The following PDE3B variants were observed in gnomAD, a reference collection of about 807,000 sequenced individuals.
PDE3B encodes phosphodiesterase 3B.
A neutral mutation model predicts 116.8 loss-of-function variants in PDE3B; 66 were observed. The observed-to-expected ratio is 0.56, with a 90% CI of 0.46 to 0.69. The LOEUF is 0.69. Among genes scored for constraint, PDE3B ranks in the 30% least tolerant of loss-of-function variants. PDE3B has a pLI of 0.00. For synonymous variants in PDE3B, 595 were observed against 533.6 expected (o/e 1.12, Z -1.59); for missense variants, 1,384 against 1,368.1 (o/e 1.01, Z -0.18).
chr11:14,878,340 TC>T, the PDE3B span: 2 of 1,581,984 alleles, frequency 1.3e-6, no homozygotes, highest in Non-Finnish European at 8.7e-7. Context: ...AAACCCACAA[TC>T]TTTACCAAAA....
chr11:14,665,936 A>G (rs966433594), intron 1 of PDE3B, among the ~76,000 whole-genome samples: 7 of 152,218 alleles, frequency 4.6e-5, no homozygotes, highest in Admixed American at 1.3e-4. Flanking sequence ...AAGCTACTTT[A>G]AAGTTCATAT....
At chr11:14,687,759 C>T (rs1484243395) in intron 1 of PDE3B, among the ~76,000 whole-genome samples, 2 of 152,116 alleles carry the variant, frequency 1.3e-5, no homozygotes, top group Admixed American at 6.5e-5. Context: ...CCTTTTCTCT[C>T]ACAGATCATA....
At chr11:14,648,415 A>G (rs937576067) in intron 1 of PDE3B, among the ~76,000 whole-genome samples, 2 of 152,060 alleles carry the variant, frequency 1.3e-5, no homozygotes, top group African/African-American at 4.8e-5. Flanking sequence ...AAGTGTGGTT[A>G]TTTACTCACC....
At chr11:14,650,991 C>T (rs951302231) in intron 1 of PDE3B, among the ~76,000 whole-genome samples, 12 of 151,802 alleles carry the variant, frequency 7.9e-5, no homozygotes, top group African/African-American at 9.7e-5. Context: ...TAATTTGTTA[C>T]AGGAGCATAC....
At chr11:14,816,591 C>T (rs995940904) in intron 5 of PDE3B, among the ~76,000 whole-genome samples, 3 of 152,162 alleles carry the variant, frequency 2.0e-5, no homozygotes, top group Non-Finnish European at 4.4e-5. Context: ...GCACTTAGCA[C>T]TTGTTTGTAT....
At chr11:14,760,811 T>C (rs543992565) in intron 1 of PDE3B, among the ~76,000 whole-genome samples, 73 of 152,312 alleles carry the variant, frequency 4.8e-4, no homozygotes, top group African/African-American at 1.7e-3. Flanking sequence ...GTTGTACATA[T>C]TTCTGTGGTA....
At chr11:14,891,971 G>A in the PDE3B span, 358 of 1,612,222 alleles carry the variant, frequency 2.2e-4, 1 homozygote, top group African/African-American at 4.3e-3. Flanking sequence ...GGGGCCCGTC[G>A]GGGCTGTACC....
intron 7 of PDE3B, among the ~76,000 whole-genome samples, chr11:14,821,037 G>A (rs1161820759): frequency 1.3e-5 from 2 of 152,142 alleles, no homozygotes; most frequent in Non-Finnish European, 2.9e-5. Context: ...GCCTCAACTG[G>A]GAGATTCTCA....
At chr11:14,665,436 G>A (rs1854104503) in intron 1 of PDE3B, among the ~76,000 whole-genome samples, 1 of 152,132 alleles carries the variant, frequency 6.6e-6, no homozygotes, top group African/African-American at 2.4e-5. Context: ...GGCAGGAGAA[G>A]GAAATAAAGG....
At chr11:14,883,329 A>T in the PDE3B span, among the ~76,000 whole-genome samples, 1 of 152,154 alleles carries the variant, frequency 6.6e-6, no homozygotes, top group East Asian at 1.9e-4. Flanking sequence ...CTGGTACCAA[A>T]ACAGAGATAT....
intron 12 of PDE3B, among the ~76,000 whole-genome samples, chr11:14,848,996 C>T (rs1391263335): frequency 6.6e-6 from 1 of 152,098 alleles, no homozygotes; most frequent in Non-Finnish European, 1.5e-5. Flanking sequence ...CTTTAAAGTT[C>T]ATATGGAACC....
intron 1 of PDE3B, among the ~76,000 whole-genome samples, chr11:14,679,580 C>T (rs757563341): frequency 9.2e-5 from 14 of 151,822 alleles, no homozygotes; most frequent in African/African-American, 1.9e-4. Context: ...CTTCTTCACT[C>T]GGGACCCTTG....
chr11:14,896,762 A>G, the PDE3B span, among the ~76,000 whole-genome samples: 20,069 of 152,218 alleles, frequency 0.13, 1,598 homozygotes, highest in Admixed American at 0.24. Flanking sequence ...AAAATCCTCT[A>G]TTTAAAATTC....
rs1335617355 is a variant in PDE3B, at chr11:14,669,953, A to G, written c.978+24900A>G. ...AGACAAATGTTAATCTTTATATTGC[A>G]TATCCTCTTATTTATTACTAAGTCT... On this transcript the variant is annotated intron_variant, in intron 1 of 15. Coordinates refer to ENST00000282096, the MANE Select transcript of PDE3B (RefSeq NM_000922.4). Among the ~76,000 whole-genome samples, 5 of 152,218 alleles carry G rather than the reference A, an allele frequency of 3.3e-5. No homozygotes were observed. The East Asian group carries it at 5.8e-4, about 18-fold the overall frequency.
intron 1 of PDE3B, among the ~76,000 whole-genome samples, chr11:14,757,136 C>A (rs1481031998): frequency 1.3e-5 from 2 of 152,046 alleles, no homozygotes; most frequent in African/African-American, 2.4e-5. Flanking sequence ...ACGAACTCAT[C>A]ATTTTTTATG....
chr11:14,778,497 T>G (rs1398567727), intron 2 of PDE3B, among the ~76,000 whole-genome samples: 1 of 152,208 alleles, frequency 6.6e-6, no homozygotes, highest in African/African-American at 2.4e-5. Context: ...CAGCAACATT[T>G]GCCTTTCTGC....
At chr11:14,866,691 A>T (rs1180427639) in intron 14 of PDE3B, among the ~76,000 whole-genome samples, 5 of 152,194 alleles carry the variant, frequency 3.3e-5, no homozygotes. Flanking sequence ...CAGAATTTGT[A>T]CATTGTGGGG....
rs952794843 is a variant in PDE3B at position 14,786,625 on chromosome 11, A to G, written c.1218A>G (p.Gly406=). 6.2e-7 allele frequency: 1 copy of G among 1,612,824 alleles called. No homozygotes were observed. Among genetic ancestry groups the G allele is most frequent in the Admixed American group, 1.7e-5 (1 of 59,948 alleles). Residue 406 remains glycine (G), a synonymous_variant, in exon 3 of 16, where the codon GGA becomes GGG. Transcript: ENST00000282096. ...TTAATCCTCTCACACCATTTCCTGG[A>G]TTTTACCCCTGTTCTGAAATAGAGG... ...PKINPLTPFP[G]FYPCSEIEDP...
chr11:14,750,374 A>C (rs1383941045), intron 1 of PDE3B, among the ~76,000 whole-genome samples: 2 of 152,136 alleles, frequency 1.3e-5, no homozygotes, highest in African/African-American at 2.4e-5. Context: ...GATTATTTCA[A>C]ATCATAAATT....
Sources: gnomAD v4.1 joint callset for allele counts (sites outside exome capture counted in the v4.1 genomes callset) on GRCh38, gnomAD v4.1.1 for gene constraint, MANE v1.5 for transcripts, NCBI Gene and HGNC (gene_info 2026-07-23, HGNC 2026-07-21) for gene names.